Variants in CYP39A1 observed in about 807,000 individuals in gnomAD.
CYP39A1 encodes 24-hydroxycholesterol 7-alpha-hydroxylase.
In CYP39A1, 49 loss-of-function variants were observed where a neutral mutation model predicts 58.1. The observed-to-expected ratio is 0.84, with a 90% confidence interval of 0.67 to 1.07. CYP39A1 has a LOEUF of 1.07. CYP39A1 is among the 50% of genes least tolerant of loss of function. The probability of loss-of-function intolerance (pLI) is 0.00; values close to 1 mark genes in which losing one functional copy is unlikely to be tolerated. For missense variants in CYP39A1, 531 were observed against 539.4 expected, an observed-to-expected ratio of 0.98 and a Z score of 0.16; for synonymous variants, 209 against 187.6, an observed-to-expected ratio of 1.11 and a Z score of -0.93.
chr6:46,594,623 T>C (rs1294694808), intron 8 of CYP39A1, among the ~76,000 whole-genome samples: 2 of 151,974 alleles, frequency 1.3e-5, no homozygotes, highest in African/African-American at 4.8e-5. Context: ...AAGAATGAAA[T>C]TAGACCTGTA....
intron 10 of CYP39A1, among the ~76,000 whole-genome samples, chr6:46,580,390 AC>A (rs1772065420): frequency 6.6e-6 from 1 of 152,160 alleles, no homozygotes; most frequent in Non-Finnish European, 1.5e-5. Context: ...AAGACCTAAA[AC>A]TTTAATGGCT....
chr6:46,582,352 T>G (rs909039190), intron 10 of CYP39A1, among the ~76,000 whole-genome samples: 1 of 152,164 alleles, frequency 6.6e-6, no homozygotes, highest in Non-Finnish European at 1.5e-5. Context: ...GATACTTTAC[T>G]ATATAAGGCA....
At chr6:46,609,137 C>T (rs1774038935) in intron 7 of CYP39A1, among the ~76,000 whole-genome samples, 2 of 151,948 alleles carry the variant, frequency 1.3e-5, no homozygotes, top group East Asian at 3.9e-4. Context: ...ACCGTGGGCT[C>T]ACGCCTGTAA....
chr6:46,625,420 G>C lies in CYP39A1; in HGVS notation c.929C>G (p.Ala310Gly), dbSNP rs1775252342. The change falls in exon 7 of 12, where the codon GCA (alanine) becomes GGA (glycine). Residue 310 changes from alanine (A) to glycine (G), a missense_variant and splice_region_variant. Transcript: ENST00000275016. ...TCCTATATAATAAGGTTTAGTACCT[G>C]CTTTGCCAAACACAGAAGATATGCC... ...MEGISSVFGK[A>G]GKDKIKVSED... 3 of 1,604,166 alleles carry C rather than the reference G, an allele frequency of 1.9e-6. No homozygotes were observed. Among genetic ancestry groups the C allele is most frequent in the African/African-American group, 1.3e-5 (1 of 74,690 alleles).
At chr6:46,609,334 C>T (rs950058996) in intron 7 of CYP39A1, among the ~76,000 whole-genome samples, 1 of 150,414 alleles carries the variant, frequency 6.6e-6, no homozygotes, top group African/African-American at 2.5e-5. Flanking sequence ...ACCCGGGAGG[C>T]GGAGCTTGCA....
intron 7 of CYP39A1, among the ~76,000 whole-genome samples, chr6:46,613,085 T>C (rs1189894824): frequency 1.3e-5 from 2 of 152,210 alleles, no homozygotes; most frequent in African/African-American, 2.4e-5. Context: ...GTAAAACTAA[T>C]CAACTAATTA....
At chr6:46,563,331 T>C (rs890878871) in intron 10 of CYP39A1, among the ~76,000 whole-genome samples, 9 of 152,194 alleles carry the variant, frequency 5.9e-5, no homozygotes, top group African/African-American at 2.2e-4. Flanking sequence ...ATACTTCTAA[T>C]GTCAAAACAG....
chr6:46,637,512 C>T (rs556648398), intron 4 of CYP39A1, among the ~76,000 whole-genome samples: 98 of 152,232 alleles, frequency 6.4e-4, no homozygotes, highest in African/African-American at 2.2e-3. Flanking sequence ...CTCAGGTTGA[C>T]GATTTAGCAG....
At chr6:46,641,893 C>A (rs1248161167) in intron 2 of CYP39A1, among the ~76,000 whole-genome samples, 1 of 152,172 alleles carries the variant, frequency 6.6e-6, no homozygotes, top group Non-Finnish European at 1.5e-5. Context: ...GATACAGATT[C>A]CAAATATTCT....
chr6:46,605,825 T>TA (rs1312415779), intron 7 of CYP39A1, among the ~76,000 whole-genome samples: 1 of 152,218 alleles, frequency 6.6e-6, no homozygotes, highest in African/African-American at 2.4e-5. Context: ...TTCTAGATCT[T>TA]ACTTTTCAAA....
rs1209106230 is a variant in CYP39A1 at position 46,549,888 on chromosome 6, G to C, written c.*478C>G. On this transcript the variant is annotated 3_prime_UTR_variant, in exon 12 of 12. Transcript: ENST00000275016. Reference sequence around the variant, plus strand: ...AGAATTATGTTAATAGAGCCTAGGAGTTCCAATTGCTAGTTGAGAATCACC... The same window carrying C: ...AGAATTATGTTAATAGAGCCTAGGACTTCCAATTGCTAGTTGAGAATCACC... 1 of 152,680 alleles carries C rather than the reference G, an allele frequency of 6.5e-6. No homozygotes were observed. Among genetic ancestry groups the C allele is most frequent in the Middle Eastern group, 3.4e-3 (1 of 294 alleles). 9.5% of individuals were successfully genotyped at this position (152,680 alleles called of 1,614,324 possible). A position where few individuals can be genotyped will look rare whatever the true frequency, so the allele number is the denominator to read the frequency against.
intron 6 of CYP39A1, among the ~76,000 whole-genome samples, chr6:46,626,000 A>C (rs941133670): frequency 6.6e-6 from 1 of 152,214 alleles, no homozygotes; most frequent in East Asian, 1.9e-4. Context: ...GCAGCAGGAA[A>C]CCATCCCGTA....
At chr6:46,652,183 A>AT (rs1202376803) in intron 1 of CYP39A1, among the ~76,000 whole-genome samples, 2 of 152,228 alleles carry the variant, frequency 1.3e-5, no homozygotes, top group African/African-American at 4.8e-5. Context: ...ACTTCCAAAA[A>AT]TGTCGATGCA....
intron 7 of CYP39A1, among the ~76,000 whole-genome samples, chr6:46,614,175 C>A (rs945277065): frequency 5.3e-5 from 8 of 151,700 alleles, no homozygotes; most frequent in Non-Finnish European, 1.2e-4. Flanking sequence ...ATAATATTCA[C>A]CATATTGAGA....
chr6:46,556,967 G>A (rs1770694608), intron 10 of CYP39A1, among the ~76,000 whole-genome samples: 3 of 151,944 alleles, frequency 2.0e-5, no homozygotes, highest in Admixed American at 2.0e-4. Context: ...GGTTCATAAA[G>A]GTAGAAAAGA....
intron 11 of CYP39A1, among the ~76,000 whole-genome samples, chr6:46,553,078 A>C (rs1385157994): frequency 2.0e-5 from 3 of 149,572 alleles, no homozygotes; most frequent in Non-Finnish European, 4.4e-5. Context: ...CCAACCAAAA[A>C]AAAAAAAAAA....
At position 46,652,529 on chromosome 6, in the gene CYP39A1, G is replaced by GAAC; in HGVS notation, c.51_53dup (p.Leu17dup). The GAAC allele has an allele frequency of 6.2e-7, 1 of 1,613,568 alleles. No individual in the cohort carries two copies. The highest frequency in any genetic ancestry group is 8.5e-7 in the Non-Finnish European group (1 of 1,179,830). ...GCAAATTCTTCCGCTGAAGGAGTAA[G>GAAC]AACAGAGCAAGGCAACCCAGGATTA... On this transcript the variant is annotated inframe_insertion, in exon 1 of 12. Coordinates refer to ENST00000275016, the MANE Select transcript of CYP39A1 (RefSeq NM_016593.5).
chr6:46,589,116 A>G (rs1453649081), intron 8 of CYP39A1, among the ~76,000 whole-genome samples: 3 of 152,104 alleles, frequency 2.0e-5, no homozygotes, highest in African/African-American at 7.2e-5. Flanking sequence ...AAAAACTTTT[A>G]CTTTAGGTTT....
chr6:46,556,531 A>G (rs1346240770), intron 10 of CYP39A1, among the ~76,000 whole-genome samples: 3 of 152,194 alleles, frequency 2.0e-5, no homozygotes, highest in African/African-American at 7.2e-5. Context: ...ATCAAAGCAC[A>G]AGAAGCTGAA....
Sources: allele counts gnomAD v4.1 joint callset (sites outside exome capture counted in the v4.1 genomes callset), GRCh38; gene constraint gnomAD v4.1.1; transcripts MANE v1.5; gene names NCBI Gene and HGNC (gene_info 2026-07-23, HGNC 2026-07-21).